PARD3: variants seen among roughly 807,000 people sequenced by gnomAD.
PARD3 encodes par-3 family cell polarity regulator, also known as partitioning defective 3 homolog.
A neutral mutation model predicts 155.4 loss-of-function variants in PARD3; 75 were observed. The observed-to-expected ratio is 0.48, with a 90% CI of 0.40 to 0.58. The LOEUF (loss-of-function observed/expected upper bound fraction) is 0.58, where lower values mean the gene tolerates loss of function less well. Ranked by LOEUF, PARD3 falls within the 20% of genes least tolerant of loss-of-function variation. The pLI is 0.00. For synonymous variants in PARD3, 576 were observed against 610.5 expected (o/e 0.94, Z 0.83); for missense variants, 1,642 against 1,721.7 (o/e 0.95, Z 0.82).
At chr10:34,784,282 T>C (rs1171700529) in intron 1 of PARD3, among the ~76,000 whole-genome samples, 2 of 151,904 alleles carry the variant, frequency 1.3e-5, no homozygotes, top group East Asian at 1.9e-4. Context: ...AATAGCAATA[T>C]ATAAAAGAGT....
At chr10:34,671,733 TTCTA>T (rs2093613035) in intron 2 of PARD3, among the ~76,000 whole-genome samples, 1 of 152,192 alleles carries the variant, frequency 6.6e-6, no homozygotes, top group Non-Finnish European at 1.5e-5. Context: ...ATGTAAGTTG[TTCTA>T]TCTATCGCAA....
chr10:34,253,212 A>G (rs1954434115), intron 22 of PARD3, among the ~76,000 whole-genome samples: 1 of 152,170 alleles, frequency 6.6e-6, no homozygotes, highest in Admixed American at 6.5e-5. Context: ...ACTTTACGAC[A>G]TTTGTCTGTG....
chr10:34,298,637 G>C (rs1355615184), intron 20 of PARD3, among the ~76,000 whole-genome samples: 1 of 152,228 alleles, frequency 6.6e-6, no homozygotes, highest in Non-Finnish European at 1.5e-5. Context: ...AGTTTCGCAA[G>C]ACGAAAGGCG....
intron 1 of PARD3, among the ~76,000 whole-genome samples, chr10:34,756,282 TA>T (rs1836717006): frequency 6.8e-6 from 1 of 146,568 alleles, no homozygotes; most frequent in South Asian, 2.2e-4. Context: ...GCCTCCTGAG[TA>T]GCTGGGACTA....
At chr10:34,267,232 G>A (rs1361297006) in intron 22 of PARD3, among the ~76,000 whole-genome samples, 4 of 151,966 alleles carry the variant, frequency 2.6e-5, no homozygotes, top group Non-Finnish European at 5.9e-5. Context: ...TTCAAATGCT[G>A]TTTGACCTTC....
chr10:34,705,996 CTGACA>C (rs2094356781), intron 1 of PARD3, among the ~76,000 whole-genome samples: 1 of 152,168 alleles, frequency 6.6e-6, no homozygotes, highest in Non-Finnish European at 1.5e-5. Flanking sequence ...CCTCCAAGAT[CTGACA>C]TGACTTTCAT....
intron 2 of PARD3, among the ~76,000 whole-genome samples, chr10:34,525,358 T>C (rs774595636): frequency 3.9e-5 from 6 of 152,212 alleles, no homozygotes; most frequent in Non-Finnish European, 8.8e-5. Flanking sequence ...CTAGCGAATG[T>C]TCCTACTGGC....
intron 2 of PARD3, among the ~76,000 whole-genome samples, chr10:34,604,097 G>C (rs991962650): frequency 1.2e-4 from 19 of 152,150 alleles, no homozygotes; most frequent in African/African-American, 4.6e-4. Flanking sequence ...AAGGGCAAAT[G>C]TCCGAGTGAA....
At chr10:34,111,674 G>A in intron 24 of PARD3, 112 bp from the exon 25 acceptor site, 1 of 879,118 alleles carries the variant, frequency 1.1e-6, no homozygotes, top group Non-Finnish European at 1.7e-6. Context: ...AAATATTCCT[G>A]TTCTCTCATC....
chr10:34,206,177 G>A lies in PARD3; in HGVS notation c.3419+63480C>T, dbSNP rs865828270. ...CAGTGGGAGGTCCCAGTGCAGGTGT[G>A]GAAGGTGGCTGCTGGGCCAGGAGGA... On this transcript the variant is annotated intron_variant, in intron 22 of 24. Transcript: ENST00000374788. Among the ~76,000 whole-genome samples, 16 of 152,336 alleles carry A rather than the reference G, an allele frequency of 1.1e-4. 2 individuals carry two copies. In the South Asian group the frequency reaches 3.3e-3, roughly 32 times the overall value.
intron 7 of PARD3, among the ~76,000 whole-genome samples, chr10:34,393,957 C>T (rs1752150398): frequency 6.6e-6 from 1 of 151,812 alleles, no homozygotes; most frequent in Admixed American, 6.6e-5. Flanking sequence ...CCTGCCTCAG[C>T]CTTCTGAGTG....
chr10:34,792,170 C>A lies in PARD3; in HGVS notation c.120+22706G>T, dbSNP rs114105995. Among the ~76,000 whole-genome samples, 1,409 of 152,306 alleles carry A rather than the reference C, an allele frequency of 9.3e-3. 17 individuals carry two copies. Among genetic ancestry groups the A allele is most frequent in the African/African-American group, 0.033 (1,364 of 41,566 alleles). On this transcript the variant is annotated intron_variant, in intron 1 of 24. Coordinates refer to ENST00000374788, the MANE Select transcript of PARD3 (RefSeq NM_001184785.2). Reference sequence around the variant, plus strand: ...CTAGCTCTCCCCGGACGTGCGCCCACGTGCTCTTTGCGGAGCTCTCTGGCT... The same window carrying A: ...CTAGCTCTCCCCGGACGTGCGCCCAAGTGCTCTTTGCGGAGCTCTCTGGCT...
chr10:34,411,157 G>A (rs1845007877), intron 5 of PARD3, among the ~76,000 whole-genome samples: 1 of 152,112 alleles, frequency 6.6e-6, no homozygotes, highest in Non-Finnish European at 1.5e-5. Context: ...CAGAGATGGG[G>A]GAGGAGGGAG....
intron 19 of PARD3, among the ~76,000 whole-genome samples, chr10:34,329,906 GTA>G (rs745577654): frequency 1.3e-5 from 2 of 151,944 alleles, no homozygotes; most frequent in Non-Finnish European, 2.9e-5. Flanking sequence ...GTATATTAAC[GTA>G]TATATACATA....
chr10:34,166,310 C>T (rs555092584), intron 22 of PARD3, among the ~76,000 whole-genome samples: 26 of 152,128 alleles, frequency 1.7e-4, no homozygotes, highest in Admixed American at 6.5e-4. Flanking sequence ...AGAAATCTCA[C>T]GTGCATTAAA....
At chr10:34,511,527 G>A (rs1375304359) in intron 3 of PARD3, among the ~76,000 whole-genome samples, 1 of 152,126 alleles carries the variant, frequency 6.6e-6, no homozygotes, top group Non-Finnish European at 1.5e-5. Flanking sequence ...AAGGGAAAGA[G>A]AATGAATGCA....
rs1956281680 is a variant in PARD3, at chr10:34,284,177, G to A, written c.3134C>T (p.Thr1045Ile). The A allele has an allele frequency of 1.9e-6, 3 of 1,609,020 alleles. No individual in the cohort carries two copies. Among genetic ancestry groups the A allele is most frequent in the Admixed American group, 1.7e-5 (1 of 59,374 alleles). ...TGKIKIQESF[T>I]SEEERIRMKQ... ...CATTCGTATCCTCTCCTCTTCTGAT[G>A]TAAAGGATTCCTGTATTTTTATTTT... The change falls in exon 21 of 25, where the codon ACA (threonine) becomes ATA (isoleucine). Residue 1045 changes from threonine to isoleucine, a missense_variant. Coordinates refer to ENST00000374788, the MANE Select transcript of PARD3 (RefSeq NM_001184785.2).
intron 22 of PARD3, among the ~76,000 whole-genome samples, chr10:34,250,134 T>C (rs553926557): frequency 1.9e-4 from 28 of 150,600 alleles, no homozygotes; most frequent in Middle Eastern, 3.4e-3. Context: ...GTTTAAAGAA[T>C]TAAAGAAAAC....
At chr10:34,526,587 C>T (rs932369530) in intron 2 of PARD3, among the ~76,000 whole-genome samples, 1 of 152,144 alleles carries the variant, frequency 6.6e-6, no homozygotes, top group Non-Finnish European at 1.5e-5. Context: ...GTTAGGAAGG[C>T]CCTTTCTTTC....
Sources: allele counts gnomAD v4.1 joint callset (sites outside exome capture counted in the v4.1 genomes callset), GRCh38; gene constraint gnomAD v4.1.1; transcripts MANE v1.5; gene names NCBI Gene and HGNC (gene_info 2026-07-23, HGNC 2026-07-21).